Variants in EPHA6 observed in about 807,000 individuals in gnomAD.
EPHA6 encodes the protein EPH receptor A6, also known as ephrin type-A receptor 6.
A neutral mutation model predicts 112.0 loss-of-function variants in EPHA6; 50 were observed. That is an observed-to-expected ratio of 0.45 (90% CI 0.36 to 0.56). The LOEUF is 0.56. Among genes scored for constraint, EPHA6 ranks in the 20% least tolerant of loss-of-function variants. The pLI is 0.00. For missense variants in EPHA6, 1,280 were observed against 1,417.4 expected, an observed-to-expected ratio of 0.90 and a Z score of 1.56; for synonymous variants, 529 against 490.7, an observed-to-expected ratio of 1.08 and a Z score of -1.03.
rs57409609 is a variant in EPHA6 at position 96,897,211 on chromosome 3, AACACACAC to A, written c.450+30346_450+30353del. Among the ~76,000 whole-genome samples, 26 of 143,420 alleles carry A rather than the reference AACACACAC, an allele frequency of 1.8e-4. No individual in the cohort carries two copies. In the East Asian group the frequency reaches 1.8e-3, roughly 10 times the overall value. The allele number at this position is 143,420 out of a possible 152,430, so 94.1% of individuals were successfully genotyped here. A position where few individuals can be genotyped will look rare whatever the true frequency, so the allele number is the denominator to read the frequency against. ...ATATCTATATATCTGTGTATATACA[AACACACAC>A]ACACACACACACACACACACACATA... On this transcript the variant is annotated intron_variant, in intron 2 of 17. Transcript: ENST00000389672.
intron 3 of EPHA6, among the ~76,000 whole-genome samples, chr3:97,119,720 G>C: frequency 6.6e-6 from 1 of 151,948 alleles, no homozygotes; most frequent in East Asian, 1.9e-4. Context: ...TTACGGAAAA[G>C]GCAGGCAAAG....
chr3:97,513,869 T>C (rs932228113), intron 10 of EPHA6, among the ~76,000 whole-genome samples: 2 of 152,138 alleles, frequency 1.3e-5, no homozygotes, highest in African/African-American at 4.8e-5. Flanking sequence ...AAAAAAGCTT[T>C]AAATTTCACA....
chr3:97,555,194 C>T lies in EPHA6; in HGVS notation c.2386+22651C>T, dbSNP rs551060830. ...GAACATGCGGTGTTTGGTTTTTTGT[C>T]CTTGTGATACTTTACTGAGAATGAT... is the stretch of plus-strand genomic sequence containing the variant. On this transcript the variant is annotated intron_variant, in intron 11 of 17. Coordinates refer to ENST00000389672, the MANE Select transcript of EPHA6 (RefSeq NM_001080448.3). 7.1e-3 allele frequency among the ~76,000 whole-genome samples: 1,058 copies of T among 148,950 alleles called. 10 individuals are homozygous for T. The highest frequency in any genetic ancestry group is 0.011 in the Non-Finnish European group (763 of 67,638).
intron 3 of EPHA6, among the ~76,000 whole-genome samples, chr3:97,111,134 C>G (rs2047711290): frequency 6.6e-6 from 1 of 152,044 alleles, no homozygotes; most frequent in Admixed American, 6.6e-5. Flanking sequence ...ATTAAAAGCT[C>G]TGACTTACAC....
chr3:97,518,626 G>A (rs2092486511), intron 10 of EPHA6, among the ~76,000 whole-genome samples: 1 of 151,232 alleles, frequency 6.6e-6, no homozygotes, highest in African/African-American at 2.4e-5. Flanking sequence ...CCGTTTTTCT[G>A]CATCCTCACC....
At chr3:96,871,945 A>G (rs374012063) in intron 2 of EPHA6, among the ~76,000 whole-genome samples, 6 of 152,004 alleles carry the variant, frequency 3.9e-5, no homozygotes, top group African/African-American at 1.5e-4. Flanking sequence ...CGAATTAACC[A>G]GGAGATAGAA....
At chr3:97,483,898 C>G (rs370610275) in intron 9 of EPHA6, 36 bp from the exon 10 acceptor site, 95 of 1,570,138 alleles carry the variant, frequency 6.1e-5, no homozygotes, top group Non-Finnish European at 7.7e-5. Flanking sequence ...CTGAGATACT[C>G]AAACTAAATC....
chr3:97,597,004 A>G (rs2093600437), intron 12 of EPHA6, among the ~76,000 whole-genome samples: 1 of 150,274 alleles, frequency 6.7e-6, no homozygotes, highest in Non-Finnish European at 1.5e-5. Flanking sequence ...TGGGTGACCA[A>G]ACTCAAATAT....
intron 11 of EPHA6, among the ~76,000 whole-genome samples, chr3:97,542,098 T>G (rs1490814278): frequency 6.6e-6 from 1 of 151,848 alleles, no homozygotes; most frequent in African/African-American, 2.4e-5. Flanking sequence ...TTTTTTGTTT[T>G]TTTTTTTTTA....
chr3:97,070,818 T>C (rs920932469), intron 3 of EPHA6, among the ~76,000 whole-genome samples: 1 of 152,124 alleles, frequency 6.6e-6, no homozygotes, highest in African/African-American at 2.4e-5. Context: ...TGTGTCTTTA[T>C]GTCCACAGTG....
chr3:97,576,286 A>ATT (rs68086930), intron 11 of EPHA6, among the ~76,000 whole-genome samples: 1 of 151,666 alleles, frequency 6.6e-6, no homozygotes, highest in African/African-American at 2.4e-5. Context: ...TTGTTTATTC[A>ATT]TTTTTTTTCC....
chr3:97,012,372 A>G (rs1042867925), intron 3 of EPHA6, among the ~76,000 whole-genome samples: 2 of 151,086 alleles, frequency 1.3e-5, no homozygotes, highest in African/African-American at 4.9e-5. Context: ...GCTGGAGTGC[A>G]TTGGCATGAT....
chr3:97,675,895 C>T (rs573098790), intron 14 of EPHA6, among the ~76,000 whole-genome samples: 7 of 152,166 alleles, frequency 4.6e-5, no homozygotes, highest in Admixed American at 2.0e-4. Context: ...ACATGATGTT[C>T]GGTATATTCT....
rs185745082 is a variant in EPHA6, at chr3:97,174,028, C to A, written c.1115-52236C>A. Reference sequence around the variant, plus strand: ...AACCATCACCTTCTACCTTCCCCCCCAGTCCCCCACTACCCTTCCCAGCCT... The same window carrying A: ...AACCATCACCTTCTACCTTCCCCCCAAGTCCCCCACTACCCTTCCCAGCCT... On this transcript the variant is annotated intron_variant, in intron 3 of 17. Coordinates refer to ENST00000389672, the MANE Select transcript of EPHA6 (RefSeq NM_001080448.3). Among the ~76,000 whole-genome samples the A allele has an allele frequency of 3.0e-4, 45 of 151,804 alleles. 1 individual carries two copies. The South Asian group carries it at 3.1e-3, about 10-fold the overall frequency.
chr3:97,410,609 A>G (rs2087651438), intron 6 of EPHA6, among the ~76,000 whole-genome samples: 1 of 152,080 alleles, frequency 6.6e-6, no homozygotes, highest in Non-Finnish European at 1.5e-5. Flanking sequence ...TACACAAGGA[A>G]CTAAGAAAAG....
At chr3:97,734,915 A>C (rs1227466808) in intron 15 of EPHA6, among the ~76,000 whole-genome samples, 2 of 151,978 alleles carry the variant, frequency 1.3e-5, no homozygotes, top group African/African-American at 4.8e-5. Flanking sequence ...CAGTATTATC[A>C]TATTGCTAGG....
At chr3:97,550,195 A>G (rs2093010566) in intron 11 of EPHA6, among the ~76,000 whole-genome samples, 1 of 152,152 alleles carries the variant, frequency 6.6e-6, no homozygotes, top group Admixed American at 6.5e-5. Flanking sequence ...TAAAAATCAA[A>G]ACATTTTATG....
intron 2 of EPHA6, among the ~76,000 whole-genome samples, chr3:96,977,593 G>A (rs1417860393): frequency 6.6e-6 from 1 of 151,932 alleles, no homozygotes; most frequent in African/African-American, 2.4e-5. Context: ...TCTTGCCTTG[G>A]GACCCCTACT....
chr3:97,347,552 T>C (rs1260711921), intron 5 of EPHA6, among the ~76,000 whole-genome samples: 2 of 152,096 alleles, frequency 1.3e-5, no homozygotes, highest in Admixed American at 6.6e-5. Context: ...AAAGATAATA[T>C]AGTATTTGAA....
Sources: gnomAD v4.1 joint callset for allele counts (sites outside exome capture counted in the v4.1 genomes callset) on GRCh38, gnomAD v4.1.1 for gene constraint, MANE v1.5 for transcripts, NCBI Gene and HGNC (gene_info 2026-07-23, HGNC 2026-07-21) for gene names.